The following CR1 variants were observed in gnomAD, a reference collection of about 807,000 sequenced individuals.
CR1 encodes the protein complement receptor type 1.
Under a neutral mutation model 187.3 loss-of-function variants are expected in CR1, and 116 were observed. The observed-to-expected ratio is 0.62, with a 90% CI of 0.53 to 0.72. The LOEUF is 0.72. Ranked by LOEUF, CR1 falls within the 30% of genes least tolerant of loss-of-function variation. CR1 has a pLI of 0.00. For missense variants in CR1, 1,731 were observed against 2,110.7 expected (o/e 0.82, Z 3.52); for synonymous variants, 576 against 747.1 (o/e 0.77, Z 3.73).
intron 35 of CR1, among the ~76,000 whole-genome samples, chr1:207,593,102 A>AAAAAAAAAAC (rs1439487338): frequency 6.6e-6 from 1 of 151,508 alleles, no homozygotes; most frequent in African/African-American, 2.4e-5. Context: ...AAAAAAAAAA[A>AAAAAAAAAAC]ACTACTTTAA....
In CR1 at chr1:207,630,579, G is replaced by T. The variant is rs539578401; in HGVS notation, c.7415G>T (p.Ser2472Ile). 2 of 1,611,616 alleles carry T rather than the reference G, an allele frequency of 1.2e-6. No individual in the cohort carries two copies. The highest frequency in any genetic ancestry group is 2.2e-5 in the South Asian group (2 of 90,308). Reference sequence around the variant, plus strand: ...CATTTACATTCTCAAGGAGGCAGCAGCGTTCATCCCCGAACTCTGCAAACA... The same window carrying T: ...CATTTACATTCTCAAGGAGGCAGCATCGTTCATCCCCGAACTCTGCAAACA... ...AIHLHSQGGS[S>I]VHPRTLQTNE... Residue 2472 changes from serine to isoleucine, a missense_variant, in exon 46 of 47, where the codon AGC becomes ATC. This residue lies in a region of CR1 where 1,312 missense variants were observed against 1,379.6 expected (regional missense o/e 0.95). Transcript: ENST00000367049.
intron 4 of CR1, among the ~76,000 whole-genome samples, chr1:207,516,711 A>C (rs1301928520): frequency 6.6e-6 from 1 of 152,074 alleles, no homozygotes; most frequent in Non-Finnish European, 1.5e-5. Context: ...TCATGTACCT[A>C]TTTCATTATC....
intron 3 of CR1, among the ~76,000 whole-genome samples, chr1:207,509,915 C>T (rs1659561223): frequency 6.6e-6 from 1 of 152,062 alleles, no homozygotes; most frequent in Non-Finnish European, 1.5e-5. Context: ...TACTAGAAGG[C>T]ATTAAAAAAC....
intron 46 of CR1, among the ~76,000 whole-genome samples, chr1:207,632,143 G>A (rs1010476757): frequency 6.6e-6 from 1 of 152,144 alleles, no homozygotes; most frequent in Non-Finnish European, 1.5e-5. Context: ...TTTATTATCT[G>A]TCTTCCTAGT....
intron 4 of CR1, among the ~76,000 whole-genome samples, chr1:207,519,675 G>A (rs967985409): frequency 2.0e-5 from 3 of 152,188 alleles, no homozygotes; most frequent in African/African-American, 7.2e-5. Context: ...GAGTTTAATT[G>A]AGCAATGAAC....
chr1:207,500,232 T>C (rs1300809103), intron 1 of CR1, among the ~76,000 whole-genome samples: 1 of 152,252 alleles, frequency 6.6e-6, no homozygotes, highest in Non-Finnish European at 1.5e-5. Flanking sequence ...AAAATATTTA[T>C]TTTATCTGTG....
chr1:207,511,006 C>T (rs1198131599), intron 3 of CR1, among the ~76,000 whole-genome samples: 1 of 151,532 alleles, frequency 6.6e-6, no homozygotes, highest in African/African-American at 2.4e-5. Context: ...ATTTTTTGTA[C>T]AGACAGCTTC....
chr1:207,622,890 A>T, intron 44 of CR1, 103 bp from the exon 45 acceptor site: 1 of 776,968 alleles, frequency 1.3e-6, no homozygotes. Context: ...CTTTAAAAAA[A>T]AAAAAGCATT....
intron 35 of CR1, among the ~76,000 whole-genome samples, chr1:207,604,986 C>T (rs1165041018): frequency 1.3e-5 from 2 of 151,966 alleles, no homozygotes; most frequent in African/African-American, 2.4e-5. Context: ...AATTGCTGGC[C>T]GGGCACAGTG....
At chr1:207,593,425 A>T (rs1661335627) in intron 35 of CR1, among the ~76,000 whole-genome samples, 1 of 152,230 alleles carries the variant, frequency 6.6e-6, no homozygotes, top group Non-Finnish European at 1.5e-5. Flanking sequence ...CTGAAGCTGG[A>T]CCCCTTCCTT....
chr1:207,587,378 C>A lies in CR1; in HGVS notation c.5531-8C>A. The A allele has an allele frequency of 6.3e-7, 1 of 1,597,276 alleles. No individual in the cohort carries two copies. The highest frequency in any genetic ancestry group is 8.5e-7 in the Non-Finnish European group (1 of 1,171,612). On this transcript the variant is annotated splice_polypyrimidine_tract_variant and splice_region_variant and intron_variant, in intron 33 of 46. Coordinates refer to ENST00000367049, the MANE Select transcript of CR1 (RefSeq NM_000651.6). ...TAACTTTGATATTCCTGTGGTTTTT[C>A]TCTCCAGGTCACTGTAAAACCCCAG...
At chr1:207,522,605 C>T (rs1457381092) in intron 4 of CR1, among the ~76,000 whole-genome samples, 1 of 152,162 alleles carries the variant, frequency 6.6e-6, no homozygotes, top group Non-Finnish European at 1.5e-5. Flanking sequence ...AGGAATGCTT[C>T]ACTAGTTTGT....
intron 39 of CR1, 66 bp from the exon 40 acceptor site, chr1:207,614,338 T>C: frequency 8.0e-7 from 1 of 1,248,932 alleles, no homozygotes; most frequent in Non-Finnish European, 1.2e-6. Context: ...GAGCATCTAT[T>C]AGCGAAGAAA....
chr1:207,501,501 G>A (rs1169239487), intron 1 of CR1, among the ~76,000 whole-genome samples: 1 of 152,120 alleles, frequency 6.6e-6, no homozygotes, highest in Non-Finnish European at 1.5e-5. Context: ...TCACAATTGA[G>A]GGATTGGTAA....
intron 46 of CR1, among the ~76,000 whole-genome samples, chr1:207,633,385 G>A (rs6697005): frequency 0.84 from 128,151 of 152,244 alleles, 54,301 homozygotes; most frequent in African/African-American, 0.91. Context: ...TTTGCATATT[G>A]TTAGACATTT....
Position 207,623,000 on chromosome 1 carries a change from A to G in CR1, c.7284A>G (p.Leu2428=). 1.3e-6 allele frequency: 2 copies of G among 1,571,948 alleles called. No individual in the cohort carries two copies. The highest frequency in any genetic ancestry group is 1.2e-5 in the South Asian group (1 of 85,946). ...RTHDALIVGT[L]SGTIFFILLI... The stretch of plus-strand genomic sequence containing the variant: ...CCTTGTTTTACTGCCTAGGCACTTT[A>G]TCTGGTACGATCTTCTTTATTTTAC... Residue 2428 remains leucine, a synonymous_variant, in exon 45 of 47, where the codon TTA becomes TTG. Transcript: ENST00000367049.
rs1389720340 is a variant in CR1, at chr1:207,622,150, A to G, written c.7276+154A>G. Among the ~76,000 whole-genome samples, 5 of 152,246 alleles carry G rather than the reference A, an allele frequency of 3.3e-5. No homozygotes were observed. The South Asian group carries it at 1.0e-3, about 32-fold the overall frequency. ...TTGTAAGTTCAACTAGAAAGAAAAT[A>G]ATGATAAGTTAGGCCACAATATGGT... On this transcript the variant is annotated intron_variant, in intron 44 of 46. Transcript: ENST00000367049.
chr1:207,497,691 G>C (rs567602088), intron 1 of CR1, among the ~76,000 whole-genome samples: 28 of 152,248 alleles, frequency 1.8e-4, no homozygotes, highest in South Asian at 6.2e-4. Context: ...TTAGGAATTT[G>C]TGTCATCTTT....
chr1:207,622,289 T>C (rs540045064), intron 44 of CR1, among the ~76,000 whole-genome samples: 3 of 152,300 alleles, frequency 2.0e-5, no homozygotes, highest in African/African-American at 7.2e-5. Flanking sequence ...TTTATTTGAA[T>C]GTGGTGGGAG....
Sources: allele counts gnomAD v4.1 joint callset (sites outside exome capture counted in the v4.1 genomes callset), GRCh38; gene constraint gnomAD v4.1.1; regional missense constraint gnomAD v4.1.1; transcripts MANE v1.5; gene names NCBI Gene and HGNC (gene_info 2026-07-23, HGNC 2026-07-21).